RTN4: variants seen among roughly 807,000 people sequenced by gnomAD.
RTN4 encodes the protein reticulon 4, also known as reticulon-4.
A neutral mutation model predicts 90.4 loss-of-function variants in RTN4; 32 were observed. That is an observed-to-expected ratio of 0.35 (90% CI 0.27 to 0.48). The LOEUF (loss-of-function observed/expected upper bound fraction) is 0.48. RTN4 is among the 20% of genes least tolerant of loss of function. RTN4 has a pLI of 0.99. For missense variants in RTN4, 1,706 were observed against 1,430.2 expected (o/e 1.19, Z -3.11); for synonymous variants, 629 against 552.5 (o/e 1.14, Z -1.94).
chr2:54,990,819 A>C (rs1470011744), intron 3 of RTN4, among the ~76,000 whole-genome samples: 1 of 151,594 alleles, frequency 6.6e-6, no homozygotes. Context: ...AGAGTCTCGC[A>C]CTGTCGCCCG....
At chr2:55,030,308 A>G (rs1301748399) in intron 1 of RTN4, among the ~76,000 whole-genome samples, 1 of 152,194 alleles carries the variant, frequency 6.6e-6, no homozygotes, top group Admixed American at 6.5e-5. Flanking sequence ...TGGTATTTCA[A>G]AGATTCATTA....
chr2:55,037,830 TAGA>T (rs888720460), intron 1 of RTN4, among the ~76,000 whole-genome samples: 2 of 152,320 alleles, frequency 1.3e-5, no homozygotes, highest in African/African-American at 4.8e-5. Flanking sequence ...CTAAGGGACC[TAGA>T]AGACACAAAA....
chr2:55,125,233 C>G, the RTN4 span, among the ~76,000 whole-genome samples: 1 of 152,112 alleles, frequency 6.6e-6, no homozygotes, highest in African/African-American at 2.4e-5. Flanking sequence ...AAAGAGCTAT[C>G]GCAACGAAAG....
chr2:55,131,398 G>A, the RTN4 span, among the ~76,000 whole-genome samples: 3 of 90,728 alleles, frequency 3.3e-5, no homozygotes, highest in African/African-American at 4.8e-5. Context: ...TAGTAGAGAT[G>A]GGGTTTTGCC....
chr2:54,996,357 A>G (rs368909316), intron 3 of RTN4, among the ~76,000 whole-genome samples: 6 of 152,226 alleles, frequency 3.9e-5, no homozygotes, highest in Non-Finnish European at 8.8e-5. Context: ...ATATGGAAAT[A>G]TAAGGGATCC....
intron 1 of RTN4, among the ~76,000 whole-genome samples, chr2:55,094,380 C>T (rs1256565728): frequency 1.3e-5 from 2 of 152,164 alleles, no homozygotes; most frequent in Admixed American, 6.5e-5. Flanking sequence ...TTGTGACAGT[C>T]GCCAAGCTGA....
intron 3 of RTN4, among the ~76,000 whole-genome samples, chr2:55,012,877 G>C (rs1680744531): frequency 6.6e-6 from 1 of 152,056 alleles, no homozygotes; most frequent in Non-Finnish European, 1.5e-5. Flanking sequence ...TAGTTTATAG[G>C]TCCTATTCCA....
intron 1 of RTN4, among the ~76,000 whole-genome samples, chr2:55,043,033 T>C (rs1683178887): frequency 6.6e-6 from 1 of 152,202 alleles, no homozygotes; most frequent in Admixed American, 6.5e-5. Context: ...AATATGAAAT[T>C]ATCAACTCCT....
chr2:55,006,775 T>C lies in RTN4; in HGVS notation c.3013+18311A>G, dbSNP rs7588377. 5.5e-4 allele frequency among the ~76,000 whole-genome samples: 83 copies of C among 152,282 alleles called. 1 individual carries two copies. The highest frequency in any genetic ancestry group is 1.9e-3 in the African/African-American group (80 of 41,578). ...TTAACCAGCTTCTCTAAGTATTTAATTGCCCATTCCTTCTTGAAAATTCTT... is the reference window on the plus strand; with the variant it reads ...TTAACCAGCTTCTCTAAGTATTTAACTGCCCATTCCTTCTTGAAAATTCTT... On this transcript the variant is annotated intron_variant, in intron 3 of 8. Transcript: ENST00000337526.
Position 54,973,827 on chromosome 2 carries a change from C to T in RTN4, c.3471G>A (p.Arg1157=). 9 of 1,613,192 alleles carry T rather than the reference C, an allele frequency of 5.6e-6. No individual in the cohort carries two copies. Among genetic ancestry groups the T allele is most frequent in the Non-Finnish European group, 7.6e-6 (9 of 1,179,514 alleles). Residue 1157 remains arginine, a synonymous_variant, in exon 7 of 9, where the codon CGG becomes CGA. Transcript: ENST00000337526. ...SLFSVPVIYE[R]HQAQIDHYLG... ...CAGTTAGTTAGGAAATTACCTGATG[C>T]CGTTCATAAATAACAGGAACACTGA...
the RTN4 span, among the ~76,000 whole-genome samples, chr2:55,130,975 A>G: frequency 1.3e-5 from 2 of 152,234 alleles, no homozygotes; most frequent in South Asian, 2.1e-4. Flanking sequence ...TCCAAGAGTC[A>G]TGCAAAAGTC....
rs1677335752 is a variant in RTN4, at chr2:54,973,634, TA to T, written c.3478-14del. 3 of 1,600,812 alleles carry T rather than the reference TA, an allele frequency of 1.9e-6. No individual in the cohort carries two copies. Among genetic ancestry groups the T allele is most frequent in the Non-Finnish European group, 2.6e-6 (3 of 1,168,128 alleles). On this transcript the variant is annotated splice_polypyrimidine_tract_variant and intron_variant, in intron 7 of 8. Coordinates refer to ENST00000337526, the MANE Select transcript of RTN4 (RefSeq NM_020532.5). ...GATCTATCTGTGCCTGAAAGAGAGG[TA>T]TAAAGGAATTATTACCGTTGCTAAA...
At chr2:54,979,174 TC>T (rs1677914246) in intron 5 of RTN4, among the ~76,000 whole-genome samples, 1 of 151,910 alleles carries the variant, frequency 6.6e-6, no homozygotes, top group Non-Finnish European at 1.5e-5. Flanking sequence ...TGCCTCAGCC[TC>T]CCAAGTAGCT....
intron 3 of RTN4, chr2:55,010,080 G>C (rs1384460110): frequency 6.2e-7 from 1 of 1,613,252 alleles, no homozygotes; most frequent in South Asian, 1.1e-5. Flanking sequence ...TTAAAAAGCA[G>C]ATATACCCTT....
chr2:55,007,451 T>A (rs1048294894), intron 3 of RTN4, among the ~76,000 whole-genome samples: 1 of 152,150 alleles, frequency 6.6e-6, no homozygotes, highest in African/African-American at 2.4e-5. Context: ...CTCAATGTCT[T>A]CTGCGGTCTG....
At chr2:54,988,241 C>A (rs571458624) in intron 3 of RTN4, among the ~76,000 whole-genome samples, 2 of 152,098 alleles carry the variant, frequency 1.3e-5, no homozygotes, top group African/African-American at 4.8e-5. Flanking sequence ...CGCTTGAACC[C>A]GGGAGGCAGA....
At chr2:55,020,617 G>C (rs1390806280) in intron 3 of RTN4, among the ~76,000 whole-genome samples, 3 of 152,106 alleles carry the variant, frequency 2.0e-5, no homozygotes, top group Non-Finnish European at 4.4e-5. Flanking sequence ...AATTAATAAA[G>C]CACCATCTGC....
upstream of RTN4, among the ~76,000 whole-genome samples, chr2:55,116,833 C>G (rs1484361893): frequency 6.6e-6 from 1 of 151,646 alleles, no homozygotes; most frequent in Non-Finnish European, 1.5e-5. Flanking sequence ...CTTCCCAGAA[C>G]TCTCCTTTAT....
intron 2 of RTN4, among the ~76,000 whole-genome samples, chr2:55,057,639 T>C (rs1419338098): frequency 6.6e-6 from 1 of 152,138 alleles, no homozygotes; most frequent in Non-Finnish European, 1.5e-5. Flanking sequence ...TTGAGCAAAC[T>C]ATTTGGAACA....
Sources: gnomAD v4.1 joint callset for allele counts (sites outside exome capture counted in the v4.1 genomes callset) on GRCh38, gnomAD v4.1.1 for gene constraint, MANE v1.5 for transcripts, NCBI Gene and HGNC (gene_info 2026-07-23, HGNC 2026-07-21) for gene names.